MYO10: variants seen among roughly 807,000 people sequenced by gnomAD.
The protein encoded by MYO10 is unconventional myosin-X.
In MYO10, 133 loss-of-function variants were observed where a neutral mutation model predicts 257.3. That is an observed-to-expected ratio of 0.52 (90% CI 0.45 to 0.60). MYO10 has a LOEUF of 0.60. Among genes scored for constraint, MYO10 ranks in the 20% least tolerant of loss-of-function variants. MYO10 has a pLI of 0.00. For missense variants in MYO10, 2,399 were observed against 2,635.7 expected (o/e 0.91, Z 1.97); for synonymous variants, 1,104 against 1,028.6 (o/e 1.07, Z -1.40).
chr5:16,868,849 T>C (rs1485192605), intron 2 of MYO10, among the ~76,000 whole-genome samples: 1 of 152,242 alleles, frequency 6.6e-6, no homozygotes, highest in Non-Finnish European at 1.5e-5. Flanking sequence ...GTTCTCTGTA[T>C]TCCTAGTATC....
intron 2 of MYO10, among the ~76,000 whole-genome samples, chr5:16,822,516 T>C (rs1239354986): frequency 6.6e-6 from 1 of 152,040 alleles, no homozygotes; most frequent in East Asian, 1.9e-4. Context: ...TACCTGGGGG[T>C]TATAATTACA....
At chr5:16,895,902 G>A (rs1483636214) in intron 1 of MYO10, among the ~76,000 whole-genome samples, 1 of 152,078 alleles carries the variant, frequency 6.6e-6, no homozygotes, top group East Asian at 1.9e-4. Context: ...ATGCAAGGGG[G>A]GCCCTGCCGC....
rs534463129 is a variant in MYO10, at chr5:16,678,049, C to A, written c.4543-1895G>T. Among the ~76,000 whole-genome samples, 20 of 152,262 alleles carry A rather than the reference C, an allele frequency of 1.3e-4. No individual in the cohort carries two copies. In the East Asian group the frequency reaches 3.5e-3, roughly 27 times the overall value. On this transcript the variant is annotated intron_variant, in intron 33 of 40. Coordinates refer to ENST00000513610, the MANE Select transcript of MYO10 (RefSeq NM_012334.3). Reference sequence around the variant, plus strand: ...GTGCTCAGATTACAGGCATGAGCCACCATGCCCAGCTGAAAAATCCTATGT... The same window carrying A: ...GTGCTCAGATTACAGGCATGAGCCAACATGCCCAGCTGAAAAATCCTATGT...
rs1745217886 is a variant in MYO10 at position 16,896,324 on chromosome 5, GGTGGCTCAT to G, written c.22-18626_22-18618del. Among the ~76,000 whole-genome samples, 3 of 152,096 alleles carry G rather than the reference GGTGGCTCAT, an allele frequency of 2.0e-5. 1 individual carries two copies. In the South Asian group the frequency reaches 6.2e-4, roughly 32 times the overall value. On this transcript the variant is annotated intron_variant, in intron 1 of 40. Transcript: ENST00000513610. ...TAAAGAAATGGTCTTGGCCAGGCACGGTGGCTCATGCCTGTAATCCCAGCACTTTGGGAG... is the reference window on the plus strand; with the variant it reads ...TAAAGAAATGGTCTTGGCCAGGCACGGCCTGTAATCCCAGCACTTTGGGAG...
intron 1 of MYO10, among the ~76,000 whole-genome samples, chr5:16,910,995 A>C (rs1317105216): frequency 6.6e-6 from 1 of 152,192 alleles, no homozygotes; most frequent in African/African-American, 2.4e-5. Flanking sequence ...AAATAGAAAA[A>C]TAAAAGCTTT....
At chr5:16,747,479 T>C (rs1366394488) in intron 19 of MYO10, among the ~76,000 whole-genome samples, 1 of 152,202 alleles carries the variant, frequency 6.6e-6, no homozygotes, top group Non-Finnish European at 1.5e-5. Context: ...CCCTGAGGTG[T>C]GCAGCAGGGT....
At chr5:16,843,375 T>C (rs990908970) in intron 2 of MYO10, among the ~76,000 whole-genome samples, 20 of 152,260 alleles carry the variant, frequency 1.3e-4, no homozygotes, top group Non-Finnish European at 2.8e-4. Flanking sequence ...TGGCCATTCT[T>C]ACCTGTATAA....
chr5:16,815,426 T>C (rs1479111513), intron 3 of MYO10: 2 of 700,896 alleles, frequency 2.9e-6, no homozygotes, highest in South Asian at 3.0e-5. Context: ...ATTGTGGATT[T>C]GGAGTTTTTG....
chr5:16,777,839 CTTTTTTTTTTTTTTTTT>C (rs61326508), intron 9 of MYO10, among the ~76,000 whole-genome samples: 2 of 88,482 alleles, frequency 2.3e-5, no homozygotes, highest in Non-Finnish European at 4.0e-5. Flanking sequence ...TTGCATCTAA[CTTTTTTTTTTTTTTTTT>C]TTTTTTTTTT....
rs1417328617 is a variant in MYO10 at position 16,664,388 on chromosome 5, T to A, written c.*2304A>T. 6.6e-6 allele frequency: 1 copy of A among 152,170 alleles called. No homozygotes were observed. The allele number at this position is 152,170 out of a possible 1,614,324, so 9.4% of individuals were successfully genotyped here. On this transcript the variant is annotated 3_prime_UTR_variant, in exon 41 of 41. Transcript: ENST00000513610. ...GTGAGCAGTAGAAAGAAGACTTCTG[T>A]CAAATTCTTTCTGAGCCTAAAATAA...
chr5:16,717,261 C>T (rs1413193244), intron 19 of MYO10, among the ~76,000 whole-genome samples: 4 of 152,180 alleles, frequency 2.6e-5, no homozygotes, highest in Admixed American at 2.6e-4. Flanking sequence ...CCTACTGACA[C>T]ATTATAAAAC....
Position 16,693,041 on chromosome 5 carries a change from G to A in MYO10, c.3800+1330C>T, listed in dbSNP as rs151320212. ...CAGCACTTGGGAGACCAAGGCAGGC[G>A]GATGGCTTTGAACCCACGAGTTTGA... On this transcript the variant is annotated intron_variant, in intron 27 of 40. Coordinates refer to ENST00000513610, the MANE Select transcript of MYO10 (RefSeq NM_012334.3). Among the ~76,000 whole-genome samples the A allele has an allele frequency of 2.4e-4, 37 of 152,218 alleles. No homozygotes were observed. In the East Asian group the frequency reaches 6.0e-3, roughly 25 times the overall value.
intron 2 of MYO10, among the ~76,000 whole-genome samples, chr5:16,875,939 C>T (rs1744587287): frequency 6.6e-6 from 1 of 152,024 alleles, no homozygotes; most frequent in African/African-American, 2.4e-5. Flanking sequence ...GAAATGAAAC[C>T]CCATCTCTAC....
Position 16,673,858 on chromosome 5 carries a change from C to G in MYO10, c.4996G>C (p.Glu1666Gln), listed in dbSNP as rs748927882. Residue 1666 changes from glutamate (E) to glutamine (Q), a missense_variant, in exon 36 of 41, where the codon GAA becomes CAA. Transcript: ENST00000513610. ...TCGTAAGTGAAGAGAGCGTATTTTT[C>G]CATCTCGCTTCCTGGAAACTGTTCC... is the stretch of plus-strand genomic sequence containing the variant. ...IREQFPGSEM[E>Q]KYALFTYESL... 7.4e-6 allele frequency: 12 copies of G among 1,613,928 alleles called. No individual in the cohort carries two copies. The highest frequency in any genetic ancestry group is 9.3e-6 in the Non-Finnish European group (11 of 1,179,878).
chr5:16,878,414 TGGCA>T (rs1744664139), intron 1 of MYO10, among the ~76,000 whole-genome samples: 1 of 152,212 alleles, frequency 6.6e-6, no homozygotes, highest in Non-Finnish European at 1.5e-5. Context: ...TCTTAAAAGA[TGGCA>T]ACTTCCAGAT....
chr5:16,927,271 A>C (rs1746161326), intron 1 of MYO10, among the ~76,000 whole-genome samples: 1 of 152,050 alleles, frequency 6.6e-6, no homozygotes, highest in African/African-American at 2.4e-5. Context: ...GAAGAGCCAC[A>C]CCATGGGAGC....
At chr5:16,893,507 G>A (rs1354259215) in intron 1 of MYO10, among the ~76,000 whole-genome samples, 4 of 151,724 alleles carry the variant, frequency 2.6e-5, no homozygotes, top group Admixed American at 2.6e-4. Context: ...GGTGGTGCAT[G>A]CCTGTAGTCC....
intron 35 of MYO10, among the ~76,000 whole-genome samples, 160 bp downstream of exon 35, chr5:16,674,693 T>A (rs1204302031): frequency 2.0e-5 from 3 of 152,058 alleles, no homozygotes; most frequent in Non-Finnish European, 2.9e-5. Context: ...GATGGCAGCA[T>A]TCTCTAAGCT....
chr5:16,733,447 GAA>G (rs544321990), intron 19 of MYO10, among the ~76,000 whole-genome samples: 32 of 151,358 alleles, frequency 2.1e-4, no homozygotes, highest in African/African-American at 7.7e-4. Flanking sequence ...GATACCAGAA[GAA>G]AAAAAAAGTC....
Sources: gnomAD v4.1 joint callset for allele counts (sites outside exome capture counted in the v4.1 genomes callset) on GRCh38, gnomAD v4.1.1 for gene constraint, MANE v1.5 for transcripts, NCBI Gene and HGNC (gene_info 2026-07-23, HGNC 2026-07-21) for gene names.